Variants in ELMO1 observed in about 807,000 individuals in gnomAD.
The protein encoded by ELMO1 is engulfment and cell motility protein 1.
Under a neutral mutation model 98.9 loss-of-function variants are expected in ELMO1, and 26 were observed. That is an observed-to-expected ratio of 0.26 (90% CI 0.19 to 0.36). The LOEUF is 0.36. Among genes scored for constraint, ELMO1 ranks in the 10% least tolerant of loss-of-function variants. ELMO1 has a pLI of 1.00. For missense variants in ELMO1, 627 were observed against 935.2 expected (o/e 0.67, Z 4.30); for synonymous variants, 346 against 346.0 (o/e 1.00, Z 0.00).
At chr7:37,086,048 C>T (rs997401769) in intron 15 of ELMO1, among the ~76,000 whole-genome samples, 2 of 152,156 alleles carry the variant, frequency 1.3e-5, no homozygotes, top group Admixed American at 6.5e-5. Context: ...GGCGGCAGTG[C>T]GTCTCTCTCA....
At chr7:37,372,268 C>A (rs1175518148) in intron 1 of ELMO1, among the ~76,000 whole-genome samples, 1 of 152,088 alleles carries the variant, frequency 6.6e-6, no homozygotes, top group Non-Finnish European at 1.5e-5. Context: ...AGAATGAAGA[C>A]CATAACCTCT....
At chr7:37,031,357 A>G (rs1246328500) in intron 15 of ELMO1, among the ~76,000 whole-genome samples, 1 of 152,232 alleles carries the variant, frequency 6.6e-6, no homozygotes, top group African/African-American at 2.4e-5. Context: ...GCCAAGGGAA[A>G]AGAAGAAAAT....
At chr7:37,097,829 T>C (rs1411428586) in intron 14 of ELMO1, among the ~76,000 whole-genome samples, 2 of 152,198 alleles carry the variant, frequency 1.3e-5, no homozygotes, top group Non-Finnish European at 2.9e-5. Flanking sequence ...CTATTCCTAC[T>C]GGTCCCCCTG....
chr7:36,882,294 T>C (rs1804533694), intron 18 of ELMO1, among the ~76,000 whole-genome samples: 1 of 152,218 alleles, frequency 6.6e-6, no homozygotes, highest in Admixed American at 6.5e-5. Context: ...CTTCTGTGTG[T>C]TCAGAACAAG....
intron 16 of ELMO1, among the ~76,000 whole-genome samples, chr7:36,961,051 T>C (rs1376264599): frequency 6.6e-6 from 1 of 152,178 alleles, no homozygotes; most frequent in Non-Finnish European, 1.5e-5. Context: ...TAGTTTTATC[T>C]AAACTGGCGC....
intron 15 of ELMO1, among the ~76,000 whole-genome samples, chr7:37,060,868 G>A (rs767077075): frequency 3.9e-5 from 6 of 152,284 alleles, no homozygotes; most frequent in Non-Finnish European, 8.8e-5. Context: ...ATGGGCTAGG[G>A]AGGAGGGAGG....
chr7:37,399,505 C>T (rs1803436612), intron 1 of ELMO1, among the ~76,000 whole-genome samples: 1 of 152,188 alleles, frequency 6.6e-6, no homozygotes, highest in Admixed American at 6.5e-5. Flanking sequence ...CCAGCACACG[C>T]AGGGTGGGGA....
intron 1 of ELMO1, among the ~76,000 whole-genome samples, chr7:37,436,803 G>A (rs1418255673): frequency 6.6e-6 from 1 of 152,222 alleles, no homozygotes; most frequent in African/African-American, 2.4e-5. Context: ...CCAACCCACT[G>A]CACTTGGAAA....
At chr7:36,948,426 C>T (rs532018263) in intron 16 of ELMO1, among the ~76,000 whole-genome samples, 2 of 152,280 alleles carry the variant, frequency 1.3e-5, no homozygotes, top group Admixed American at 6.5e-5. Context: ...ATACATTGTC[C>T]TTTTATCCTT....
intron 16 of ELMO1, among the ~76,000 whole-genome samples, chr7:36,924,236 T>C (rs17333708): frequency 0.051 from 7,701 of 152,296 alleles, 282 homozygotes; most frequent in South Asian, 0.14. Context: ...TCATCTTTCC[T>C]AGGAGAAATG....
At chr7:37,301,887 G>A (rs1037531706) in intron 4 of ELMO1, among the ~76,000 whole-genome samples, 2 of 152,118 alleles carry the variant, frequency 1.3e-5, no homozygotes, top group Non-Finnish European at 2.9e-5. Flanking sequence ...CACTGTTGCT[G>A]CTCTATGTTT....
At chr7:37,139,201 G>A (rs1455096729) in intron 13 of ELMO1, among the ~76,000 whole-genome samples, 2 of 152,088 alleles carry the variant, frequency 1.3e-5, no homozygotes, top group Non-Finnish European at 2.9e-5. Flanking sequence ...ATTCAACATA[G>A]TACTGGAAGT....
At chr7:36,883,953 A>G (rs1295368549) in intron 18 of ELMO1, among the ~76,000 whole-genome samples, 2 of 152,174 alleles carry the variant, frequency 1.3e-5, no homozygotes, top group Non-Finnish European at 2.9e-5. Context: ...CGTGGTCAAC[A>G]TGTATAAGCT....
At chr7:37,308,069 C>A (rs578054628) in intron 4 of ELMO1, among the ~76,000 whole-genome samples, 2 of 152,162 alleles carry the variant, frequency 1.3e-5, no homozygotes, top group African/African-American at 4.8e-5. Context: ...GCCAAGATTG[C>A]GCCACTGCAC....
chr7:36,937,626 C>T (rs927159051), intron 16 of ELMO1, among the ~76,000 whole-genome samples: 7 of 152,168 alleles, frequency 4.6e-5, no homozygotes, highest in African/African-American at 1.4e-4. Flanking sequence ...CAAGTGTAAA[C>T]CAGACATTTA....
At chr7:37,218,095 G>T (rs1286578710) in intron 10 of ELMO1, among the ~76,000 whole-genome samples, 1 of 152,110 alleles carries the variant, frequency 6.6e-6, no homozygotes, top group Non-Finnish European at 1.5e-5. Flanking sequence ...ACTGGTGGTG[G>T]TTTTTTTGTT....
At chr7:37,178,326 C>T (rs1790617464) in intron 13 of ELMO1, among the ~76,000 whole-genome samples, 1 of 151,854 alleles carries the variant, frequency 6.6e-6, no homozygotes, top group South Asian at 2.1e-4. Flanking sequence ...GACTTATTCA[C>T]TACCACGAGA....
intron 13 of ELMO1, among the ~76,000 whole-genome samples, chr7:37,206,791 T>C (rs1584808480): frequency 2.6e-5 from 4 of 152,058 alleles, no homozygotes; most frequent in African/African-American, 7.2e-5. Context: ...AAATATTTCA[T>C]GTTAAAACAC....
At position 36,987,551 on chromosome 7, in the gene ELMO1, T is replaced by G. The variant is rs184613858; in HGVS notation, c.1437+25748A>C. 2.4e-3 allele frequency among the ~76,000 whole-genome samples: 367 copies of G among 152,298 alleles called. 1 individual carries two copies. Among genetic ancestry groups the G allele is most frequent in the African/African-American group, 8.3e-3 (345 of 41,560 alleles). ...GAACCTTCTCTTCCTTAAAGGTCTC[T>G]GCAAGCCTGGGACCCTCAGCCCGTA... On this transcript the variant is annotated intron_variant, in intron 16 of 21. Transcript: ENST00000310758.
Sources: gnomAD v4.1 joint callset for allele counts (sites outside exome capture counted in the v4.1 genomes callset) on GRCh38, gnomAD v4.1.1 for gene constraint, MANE v1.5 for transcripts, NCBI Gene and HGNC (gene_info 2026-07-23, HGNC 2026-07-21) for gene names.